Variants in PDCD7 observed in about 807,000 individuals in gnomAD.
The protein encoded by PDCD7 is programmed cell death protein 7.
Under a neutral mutation model 42.1 loss-of-function variants are expected in PDCD7, and 40 were observed. That is an observed-to-expected ratio of 0.95 (90% confidence interval 0.74 to 1.24). PDCD7 has a LOEUF of 1.24. PDCD7 is among the 50% of genes most tolerant of loss of function. The pLI is 0.00. For synonymous variants in PDCD7, 299 were observed against 303.3 expected (o/e 0.99, Z 0.15); for missense variants, 644 against 662.8 (o/e 0.97, Z 0.31).
intron 1 of PDCD7, among the ~76,000 whole-genome samples, chr15:65,130,715 C>G (rs931775655): frequency 2.6e-5 from 4 of 152,020 alleles, no homozygotes; most frequent in Non-Finnish European, 5.9e-5. Context: ...TGGTGGTGTG[C>G]ACCTGTAATC....
chr15:65,120,580 T>C (rs1265371052), intron 2 of PDCD7, among the ~76,000 whole-genome samples: 1 of 152,222 alleles, frequency 6.6e-6, no homozygotes, highest in East Asian at 1.9e-4. Flanking sequence ...TGGTGGCAGG[T>C]ACCTGTAGTC....
intron 2 of PDCD7, 83 bp downstream of exon 2, chr15:65,128,949 T>C: frequency 6.8e-7 from 1 of 1,477,014 alleles, no homozygotes; most frequent in Admixed American, 1.9e-5. Context: ...TCAAGTATTT[T>C]TCCCTCAATA....
chr15:65,123,251 G>A lies in PDCD7; in HGVS notation c.1010-3297C>T, dbSNP rs925306634. Among the ~76,000 whole-genome samples, 5 of 152,282 alleles carry A rather than the reference G, an allele frequency of 3.3e-5. No homozygotes were observed. In the South Asian group the frequency reaches 6.2e-4, roughly 19 times the overall value. ...TCACCAGGCTGGAGTACAGTGGCGC[G>A]ATCTCACCTCACTGTAACCTCTGAT... On this transcript the variant is annotated intron_variant, in intron 2 of 4. Coordinates refer to ENST00000204549, the MANE Select transcript of PDCD7 (RefSeq NM_005707.2).
intron 2 of PDCD7, among the ~76,000 whole-genome samples, chr15:65,122,059 G>A (rs2087459219): frequency 6.6e-6 from 1 of 152,198 alleles, no homozygotes; most frequent in Admixed American, 6.5e-5. Context: ...ACAGGGCCAA[G>A]CGTGGTGGCT....
Position 65,133,068 on chromosome 15 carries a change from C to T in PDCD7, c.714G>A (p.Arg238=), listed in dbSNP as rs944480653. The change falls in exon 1 of 5, where the codon AGG becomes AGA. Residue 238 remains arginine, a synonymous_variant. Transcript: ENST00000204549. ...GCCGGCGGCGCCGGACCCTCTCCAG[C>T]CTCCTCCGCGCCTCGCCCACATAGG... ...QAAYVGEARR[R]LERVRRRRLR... 14 of 1,579,664 alleles carry T rather than the reference C, an allele frequency of 8.9e-6. No individual in the cohort carries two copies. Among genetic ancestry groups the T allele is most frequent in the Non-Finnish European group, 1.1e-5 (13 of 1,169,312 alleles).
intron 1 of PDCD7, among the ~76,000 whole-genome samples, chr15:65,131,570 G>C (rs886695377): frequency 1.3e-5 from 2 of 152,032 alleles, no homozygotes; most frequent in Non-Finnish European, 2.9e-5. Context: ...CCAACATGGA[G>C]AAACCCTGTC....
At chr15:65,119,643 G>T in intron 3 of PDCD7, 75 bp downstream of exon 3, 1 of 1,489,912 alleles carries the variant, frequency 6.7e-7, no homozygotes, top group Non-Finnish European at 9.2e-7. Flanking sequence ...CCACCTCTTA[G>T]CTTGAGATCA....
Position 65,132,913 on chromosome 15 carries a change from C to T in PDCD7, c.869G>A (p.Arg290Gln). ...CCCATGAGCGGCCGCTGCTCTCACC[C>T]GCTTCTTCTCCTCCACCTCCTGCAC... The part of the protein sequence containing the change: ...KCVQEVEEKK[R>Q]EQELKAAADG... Residue 290 changes from arginine to glutamine, a missense_variant and splice_region_variant, in exon 1 of 5, where the codon CGG (arginine) becomes CAG (glutamine). By Grantham distance (43) the Arg-to-Gln change is conservative. Transcript: ENST00000204549. 6.2e-7 allele frequency: 1 copy of T among 1,603,242 alleles called. No individual in the cohort carries two copies. Among genetic ancestry groups the T allele is most frequent in the Non-Finnish European group, 8.5e-7 (1 of 1,179,696 alleles).
rs202239822 is a variant in PDCD7, at chr15:65,129,219, C to A, written c.871-49G>T. 3.2e-3 allele frequency: 5,107 copies of A among 1,600,898 alleles called. 16 individuals carry two copies. The highest frequency in any genetic ancestry group is 4.0e-3 in the Non-Finnish European group (4,732 of 1,172,944). ...AGACCTCGTATTAGGAACAAACTTA[C>A]AGCAGAGAATAGCTGCCCAGTGGTT... On this transcript the variant is annotated intron_variant, in intron 1 of 4. Transcript: ENST00000204549.
chr15:65,118,385 A>G lies in PDCD7; in HGVS notation c.*332T>C, dbSNP rs1053886597. 3.0e-5 allele frequency: 6 copies of G among 199,162 alleles called. No individual in the cohort carries two copies. The highest frequency in any genetic ancestry group is 6.1e-5 in the Admixed American group (1 of 16,468). The allele number at this position is 199,162 out of a possible 1,614,324, so 12.3% of individuals were successfully genotyped here. ...CTGTATTCAGTGTTTGAGTGTACTT[A>G]CCCATCAACACACAAGGAAGTTAGA... On this transcript the variant is annotated 3_prime_UTR_variant, in exon 5 of 5. Coordinates refer to ENST00000204549, the MANE Select transcript of PDCD7 (RefSeq NM_005707.2).
chr15:65,126,735 C>T (rs1211035807), intron 2 of PDCD7, among the ~76,000 whole-genome samples: 1 of 141,764 alleles, frequency 7.1e-6, no homozygotes, highest in East Asian at 2.1e-4. Flanking sequence ...GCTTGGGCGA[C>T]AGTGCAAGAC....
chr15:65,129,199 T>C (rs777352983), intron 1 of PDCD7, 29 bp from the exon 2 acceptor site: 1 of 1,611,082 alleles, frequency 6.2e-7, no homozygotes, highest in South Asian at 1.1e-5. Flanking sequence ...CCATGAGACC[T>C]CGTATTAGGA....
At chr15:65,129,366 C>T (rs1375728272) in intron 1 of PDCD7, among the ~76,000 whole-genome samples, 196 bp from the exon 2 acceptor site, 1 of 152,214 alleles carries the variant, frequency 6.6e-6, no homozygotes, top group Non-Finnish European at 1.5e-5. Context: ...ACTGATGGTA[C>T]AACCTTCATC....
chr15:65,127,654 A>C (rs1249091509), intron 2 of PDCD7, among the ~76,000 whole-genome samples: 1 of 152,198 alleles, frequency 6.6e-6, no homozygotes, highest in East Asian at 1.9e-4. Flanking sequence ...ATATGCATGC[A>C]ACCAGCTGCT....
At chr15:65,126,881 T>C in intron 2 of PDCD7, among the ~76,000 whole-genome samples, 1 of 152,342 alleles carries the variant, frequency 6.6e-6, no homozygotes. Flanking sequence ...ATTATTTATT[T>C]ATATGTACAT....
intron 2 of PDCD7, among the ~76,000 whole-genome samples, chr15:65,123,010 A>G (rs2087469548): frequency 6.6e-6 from 1 of 152,114 alleles, no homozygotes; most frequent in Non-Finnish European, 1.5e-5. Context: ...CTCAAAAAAA[A>G]AAAAAGAAAG....
chr15:65,127,382 G>C (rs1019718455), intron 2 of PDCD7, among the ~76,000 whole-genome samples: 1 of 151,682 alleles, frequency 6.6e-6, no homozygotes, highest in East Asian at 1.9e-4. Flanking sequence ...GCGTGAACCC[G>C]GGAAGCGGAG....
In PDCD7 at chr15:65,133,292, G is replaced by C. The variant is rs1226932496; in HGVS notation, c.490C>G (p.Arg164Gly). The change falls in exon 1 of 5, where the codon CGC (arginine) becomes GGC (glycine). Residue 164 changes from arginine to glycine, a missense_variant. Physicochemically the swap from Arg to Gly is moderately radical, Grantham distance 125. Coordinates refer to ENST00000204549, the MANE Select transcript of PDCD7 (RefSeq NM_005707.2). ...CCAAGGCTGGGCCCGGCATGCGTGC[G>C]CTGGGGCACCGGACAGCCTGCCCGC... ...PRRAGCPVPQ[R>G]THAGPSLGEV... 7.6e-7 allele frequency: 1 copy of C among 1,315,502 alleles called. No homozygotes were observed. Among genetic ancestry groups the C allele is most frequent in the African/African-American group, 1.5e-5 (1 of 64,698 alleles). 81.5% of individuals were successfully genotyped at this position (1,315,502 alleles called of 1,614,324 possible). A position where few individuals can be genotyped will look rare whatever the true frequency, so the allele number is the denominator to read the frequency against.
At chr15:65,132,167 G>A (rs964597312) in intron 1 of PDCD7, among the ~76,000 whole-genome samples, 2 of 149,008 alleles carry the variant, frequency 1.3e-5, no homozygotes, top group African/African-American at 5.0e-5. Context: ...AAACACCATT[G>A]CTGAACCTGG....
Sources: allele counts gnomAD v4.1 joint callset (sites outside exome capture counted in the v4.1 genomes callset), GRCh38; gene constraint gnomAD v4.1.1; transcripts MANE v1.5; gene names NCBI Gene and HGNC (gene_info 2026-07-23, HGNC 2026-07-21).